PDE11A: variants seen among roughly 807,000 people sequenced by gnomAD.
PDE11A encodes dual 3',5'-cyclic-AMP and -GMP phosphodiesterase 11A.
In PDE11A, 100 loss-of-function variants were observed where a neutral mutation model predicts 100.5. The observed-to-expected ratio is 1.00, with a 90% CI of 0.85 to 1.18. PDE11A has a LOEUF of 1.18. Among genes scored for constraint, PDE11A ranks in the 50% most tolerant of loss-of-function variants. The pLI, the probability that PDE11A is intolerant of heterozygous loss-of-function variation, is 0.00. For synonymous variants in PDE11A, 381 were observed against 420.8 expected (o/e 0.91, Z 1.16); for missense variants, 1,141 against 1,152.6 (o/e 0.99, Z 0.15).
chr2:177,816,776 C>T, intron 9 of PDE11A, 53 bp downstream of exon 9: 1 of 1,022,878 alleles, frequency 9.8e-7, no homozygotes, highest in African/African-American at 1.6e-5. Flanking sequence ...AATTTTTTCC[C>T]TCATAAAATT....
At chr2:177,711,526 G>C (rs1346923864) in intron 13 of PDE11A, among the ~76,000 whole-genome samples, 1 of 152,146 alleles carries the variant, frequency 6.6e-6, no homozygotes, top group East Asian at 1.9e-4. Context: ...TCCAAGCTTT[G>C]TTATCTGAGT....
intron 2 of PDE11A, among the ~76,000 whole-genome samples, chr2:177,917,882 C>T (rs1367506781): frequency 6.6e-6 from 1 of 151,982 alleles, no homozygotes; most frequent in Admixed American, 6.5e-5. Flanking sequence ...CAGTAATATT[C>T]TCCAGTGGAG....
intron 3 of PDE11A, among the ~76,000 whole-genome samples, chr2:177,900,726 A>G (rs2084681925): frequency 6.6e-6 from 1 of 152,090 alleles, no homozygotes; most frequent in Non-Finnish European, 1.5e-5. Context: ...CCACTGCACT[A>G]CAGCCTGGAT....
chr2:177,754,865 T>A (rs922730872), intron 10 of PDE11A, among the ~76,000 whole-genome samples: 1 of 152,260 alleles, frequency 6.6e-6, no homozygotes, highest in Non-Finnish European at 1.5e-5. Context: ...TTCTACTAAT[T>A]GAATTCTAAT....
In PDE11A at chr2:177,898,711, A is replaced by G. The variant is rs1401402744; in HGVS notation, c.1162-513T>C. Among the ~76,000 whole-genome samples, 6 of 152,204 alleles carry G rather than the reference A, an allele frequency of 3.9e-5. No homozygotes were observed. In the East Asian group the frequency reaches 9.6e-4, roughly 24 times the overall value. On this transcript the variant is annotated intron_variant, in intron 3 of 19. Coordinates refer to ENST00000286063, the MANE Select transcript of PDE11A (RefSeq NM_016953.4). Reference sequence around the variant, plus strand: ...CACACAAGGACTCCATAGCCATAACATTGCCTTAAGATGGAATGTTAAATA... The same window carrying G: ...CACACAAGGACTCCATAGCCATAACGTTGCCTTAAGATGGAATGTTAAATA...
chr2:177,826,325 T>C (rs749782176), intron 6 of PDE11A, among the ~76,000 whole-genome samples: 4 of 152,238 alleles, frequency 2.6e-5, no homozygotes, highest in Non-Finnish European at 5.9e-5. Context: ...GTTAAATAAA[T>C]TGGTGATAAT....
chr2:178,054,717 C>T (rs539783955), intron 1 of PDE11A, among the ~76,000 whole-genome samples: 7 of 152,200 alleles, frequency 4.6e-5, no homozygotes, highest in Non-Finnish European at 7.4e-5. Context: ...CCAAAGAAGA[C>T]ATTTATGCAG....
intron 2 of PDE11A, among the ~76,000 whole-genome samples, chr2:177,944,435 TCTAA>T (rs1484330003): frequency 6.6e-6 from 1 of 152,220 alleles, no homozygotes; most frequent in African/African-American, 2.4e-5. Flanking sequence ...TAGGGTGCCC[TCTAA>T]CTGAGTTATA....
intron 9 of PDE11A, among the ~76,000 whole-genome samples, chr2:177,810,935 G>A (rs112011352): frequency 1.3e-5 from 2 of 152,184 alleles, no homozygotes; most frequent in African/African-American, 4.8e-5. Flanking sequence ...GATCCTGATA[G>A]CATATGCCTT....
At chr2:177,775,125 G>A (rs941835971) in intron 9 of PDE11A, among the ~76,000 whole-genome samples, 1 of 152,150 alleles carries the variant, frequency 6.6e-6, no homozygotes. Flanking sequence ...GTCCCCTAGA[G>A]TCTCCAGAAG....
intron 13 of PDE11A, among the ~76,000 whole-genome samples, chr2:177,707,766 C>A (rs1375216781): frequency 6.6e-6 from 1 of 152,110 alleles, no homozygotes; most frequent in Non-Finnish European, 1.5e-5. Context: ...ACTGTTGGTC[C>A]CAACAGCTGA....
chr2:177,740,412 A>G (rs2081855490), intron 10 of PDE11A, among the ~76,000 whole-genome samples: 1 of 152,220 alleles, frequency 6.6e-6, no homozygotes, highest in South Asian at 2.1e-4. Flanking sequence ...GCATTTATTA[A>G]GACATATTGT....
intron 2 of PDE11A, among the ~76,000 whole-genome samples, chr2:177,956,187 T>C (rs2085559696): frequency 6.6e-6 from 1 of 152,070 alleles, no homozygotes; most frequent in Non-Finnish European, 1.5e-5. Context: ...ATCCAGAATC[T>C]ACAATGAACT....
At chr2:177,653,970 C>T (rs1355800794) in intron 19 of PDE11A, among the ~76,000 whole-genome samples, 2 of 152,176 alleles carry the variant, frequency 1.3e-5, no homozygotes, top group South Asian at 2.1e-4. Flanking sequence ...TGGGAGATTA[C>T]TTCCTTCTTA....
intron 1 of PDE11A, among the ~76,000 whole-genome samples, chr2:178,032,602 G>GTCAGACACCTCATACA (rs2105842103): frequency 6.6e-6 from 1 of 152,292 alleles, no homozygotes; most frequent in African/African-American, 2.4e-5. Flanking sequence ...CCTCCTTACT[G>GTCAGACACCTCATACA]GGAGAAACCT....
intron 9 of PDE11A, among the ~76,000 whole-genome samples, chr2:177,796,251 T>C (rs1222043456): frequency 6.6e-6 from 1 of 151,914 alleles, no homozygotes; most frequent in Non-Finnish European, 1.5e-5. Context: ...CTCCACTCTG[T>C]CTCTTCTATC....
At position 177,629,900 on chromosome 2, in the gene PDE11A, C is replaced by T. The variant is rs115984255; in HGVS notation, c.2647-338G>A. ...TATCCAGCTCACATATGCCTACTTA[C>T]GTGTGCATCTTTGCCTGCCACAGAG... On this transcript the variant is annotated intron_variant, in intron 19 of 19. Transcript: ENST00000286063. Among the ~76,000 whole-genome samples, 883 of 152,268 alleles carry T rather than the reference C, an allele frequency of 5.8e-3. 5 individuals are homozygous for T. The highest frequency in any genetic ancestry group is 0.02 in the African/African-American group (827 of 41,530).
rs569762281 is a variant in PDE11A, at chr2:177,783,127, G to A, written c.1738-13754C>T. On this transcript the variant is annotated intron_variant, in intron 9 of 19. Coordinates refer to ENST00000286063, the MANE Select transcript of PDE11A (RefSeq NM_016953.4). ...CTTTTCCCCCTCCCTATATTCAAAT[G>A]TATAATAACACAATTCTCTTCATTT... is the stretch of plus-strand genomic sequence containing the variant. Among the ~76,000 whole-genome samples, 12 of 151,858 alleles carry A rather than the reference G, an allele frequency of 7.9e-5. No individual in the cohort carries two copies. The South Asian group carries it at 2.3e-3, about 29-fold the overall frequency.
At chr2:177,709,163 G>C (rs2081322773) in intron 13 of PDE11A, among the ~76,000 whole-genome samples, 1 of 152,204 alleles carries the variant, frequency 6.6e-6, no homozygotes, top group African/African-American at 2.4e-5. Context: ...CGAATGAAAA[G>C]GGCCCGAAGG....
Sources: allele counts gnomAD v4.1 joint callset (sites outside exome capture counted in the v4.1 genomes callset), GRCh38; gene constraint gnomAD v4.1.1; transcripts MANE v1.5; gene names NCBI Gene and HGNC (gene_info 2026-07-23, HGNC 2026-07-21).